Variants in ALK observed in about 807,000 individuals in gnomAD.
ALK encodes the protein ALK receptor tyrosine kinase, also known as ALK tyrosine kinase receptor.
Under a neutral mutation model 163.1 loss-of-function variants are expected in ALK, and 74 were observed. The ratio of observed to expected loss-of-function variants is 0.45; its 90% CI spans 0.38 to 0.55. The LOEUF (loss-of-function observed/expected upper bound fraction) is 0.55, where lower values mean the gene tolerates loss of function less well. Ranked by LOEUF, ALK falls within the 20% of genes least tolerant of loss-of-function variation. The pLI is 0.00. For synonymous variants in ALK, 960 were observed against 843.2 expected (o/e 1.14, Z -2.40); for missense variants, 2,063 against 2,105.3 (o/e 0.98, Z 0.39).
chr2:29,528,167 G>A (rs1166180573), intron 4 of ALK, among the ~76,000 whole-genome samples: 1 of 151,994 alleles, frequency 6.6e-6, no homozygotes, highest in African/African-American at 2.4e-5. Context: ...TCCACACACT[G>A]TGTAGTTCTG....
chr2:29,689,522 A>T (rs1678334251), intron 3 of ALK, among the ~76,000 whole-genome samples: 1 of 152,182 alleles, frequency 6.6e-6, no homozygotes, highest in African/African-American at 2.4e-5. Flanking sequence ...TGCTGGTATG[A>T]ATCTGGTCTC....
At chr2:29,806,954 T>G (rs116101981) in intron 1 of ALK, among the ~76,000 whole-genome samples, 1,658 of 152,340 alleles carry the variant, frequency 0.011, 40 homozygotes, top group African/African-American at 0.038. Flanking sequence ...TGTGCGCACA[T>G]GTGCACGTGC....
At chr2:29,721,470 T>A (rs984614893) in intron 1 of ALK, among the ~76,000 whole-genome samples, 22 of 152,188 alleles carry the variant, frequency 1.4e-4, no homozygotes, top group African/African-American at 4.8e-4. Context: ...CTAACTCAGT[T>A]CACTCTCTCT....
At chr2:29,610,937 G>C (rs1475496600) in intron 3 of ALK, among the ~76,000 whole-genome samples, 1 of 152,158 alleles carries the variant, frequency 6.6e-6, no homozygotes, top group African/African-American at 2.4e-5. Context: ...ACTGAAAAAT[G>C]TATGAGAGGT....
intron 1 of ALK, among the ~76,000 whole-genome samples, chr2:29,803,378 T>C (rs1664533214): frequency 6.6e-6 from 1 of 152,234 alleles, no homozygotes; most frequent in Admixed American, 6.5e-5. Flanking sequence ...TTCCACTGAT[T>C]CCTTAATAAT....
At chr2:29,423,450 G>C (rs1382515546) in intron 4 of ALK, among the ~76,000 whole-genome samples, 1 of 152,234 alleles carries the variant, frequency 6.6e-6, no homozygotes, top group Non-Finnish European at 1.5e-5. Context: ...CGAAGGCTTA[G>C]ATCACGCCAC....
At chr2:29,698,516 G>C (rs1177933767) in intron 2 of ALK, among the ~76,000 whole-genome samples, 2 of 152,156 alleles carry the variant, frequency 1.3e-5, no homozygotes, top group Non-Finnish European at 2.9e-5. Context: ...CCCCTACCTT[G>C]ATTTTTCTCT....
intron 3 of ALK, among the ~76,000 whole-genome samples, chr2:29,578,433 T>C (rs1337689707): frequency 6.6e-6 from 1 of 152,214 alleles, no homozygotes; most frequent in African/African-American, 2.4e-5. Flanking sequence ...AGTCTCTGTC[T>C]GGACACCTGA....
intron 4 of ALK, among the ~76,000 whole-genome samples, chr2:29,420,156 TAA>T (rs66468654): frequency 0.59 from 63,915 of 108,326 alleles, 18,699 homozygotes; most frequent in East Asian, 0.91. Context: ...GACCCTGTCT[TAA>T]AAAAAAAAAA....
intron 3 of ALK, among the ~76,000 whole-genome samples, chr2:29,581,174 G>C (rs1289158250): frequency 6.6e-6 from 1 of 152,184 alleles, no homozygotes; most frequent in African/African-American, 2.4e-5. Flanking sequence ...CGGATCACGA[G>C]ATCAAGAGAT....
chr2:29,833,414 A>G (rs1665474122), intron 1 of ALK, among the ~76,000 whole-genome samples: 1 of 152,248 alleles, frequency 6.6e-6, no homozygotes, highest in Non-Finnish European at 1.5e-5. Context: ...ATCTTTGGAC[A>G]CGATCATCTC....
At chr2:29,738,757 T>C (rs1344361616) in intron 1 of ALK, among the ~76,000 whole-genome samples, 1 of 152,078 alleles carries the variant, frequency 6.6e-6, no homozygotes, top group Non-Finnish European at 1.5e-5. Context: ...AGGAACACCA[T>C]GCCATGAGCC....
At chr2:29,391,361 G>A (rs1669167666) in intron 4 of ALK, among the ~76,000 whole-genome samples, 1 of 151,726 alleles carries the variant, frequency 6.6e-6, no homozygotes, top group Admixed American at 6.6e-5. Context: ...GAGTGCAGTG[G>A]CACGATCTTG....
chr2:29,585,161 T>C (rs1436639111), intron 3 of ALK, among the ~76,000 whole-genome samples: 1 of 152,222 alleles, frequency 6.6e-6, no homozygotes, highest in Non-Finnish European at 1.5e-5. Flanking sequence ...TTGATAGTTT[T>C]AAACCCTATA....
chr2:29,857,241 TG>T (rs936703073), intron 1 of ALK, among the ~76,000 whole-genome samples: 3 of 152,126 alleles, frequency 2.0e-5, no homozygotes, highest in Admixed American at 6.5e-5. Flanking sequence ...ACTATGTGAA[TG>T]GGCAGAGAAA....
intron 3 of ALK, among the ~76,000 whole-genome samples, chr2:29,611,805 C>T (rs182186050): frequency 9.7e-4 from 147 of 152,276 alleles, no homozygotes; most frequent in African/African-American, 3.4e-3. Context: ...TTTGCTTCCC[C>T]TTTGTATCCA....
chr2:29,616,644 C>A (rs182817793), intron 3 of ALK, among the ~76,000 whole-genome samples: 21 of 152,280 alleles, frequency 1.4e-4, no homozygotes, highest in Non-Finnish European at 1.5e-4. Flanking sequence ...CACACCCTTC[C>A]TAAACTTTCT....
At chr2:29,351,112 GAC>G (rs1396571224) in intron 5 of ALK, among the ~76,000 whole-genome samples, 1 of 152,172 alleles carries the variant, frequency 6.6e-6, no homozygotes. Context: ...TTGAACATGG[GAC>G]ACGTTTTCAC....
intron 5 of ALK, among the ~76,000 whole-genome samples, chr2:29,372,213 G>A (rs1157016441): frequency 6.6e-6 from 1 of 152,108 alleles, no homozygotes; most frequent in African/African-American, 2.4e-5. Context: ...CCACCTGTTG[G>A]TACCTCTCAA....
Sources: gnomAD v4.1 joint callset for allele counts (sites outside exome capture counted in the v4.1 genomes callset) on GRCh38, gnomAD v4.1.1 for gene constraint, MANE v1.5 for transcripts, NCBI Gene and HGNC (gene_info 2026-07-23, HGNC 2026-07-21) for gene names.